Variants in FHOD3 observed in about 807,000 individuals in gnomAD.
FHOD3 encodes the protein FH1/FH2 domain-containing protein 3.
In FHOD3, 90 loss-of-function variants were observed where a neutral mutation model predicts 173.0. The ratio of observed to expected loss-of-function variants is 0.52; its 90% CI spans 0.44 to 0.62. FHOD3 has a LOEUF of 0.62. Among genes scored for constraint, FHOD3 ranks in the 20% least tolerant of loss-of-function variants. The pLI is 0.00. For missense variants in FHOD3, 1,945 were observed against 2,034.7 expected, an observed-to-expected ratio of 0.96 and a Z score of 0.85; for synonymous variants, 828 against 823.0, an observed-to-expected ratio of 1.01 and a Z score of -0.10.
intron 3 of FHOD3, among the ~76,000 whole-genome samples, chr18:36,487,007 T>C (rs1184177762): frequency 6.6e-6 from 1 of 152,250 alleles, no homozygotes; most frequent in Non-Finnish European, 1.5e-5. Flanking sequence ...TAGTGCACCC[T>C]TGTATAATGT....
chr18:36,411,299 CT>C (rs2049341288), intron 3 of FHOD3, among the ~76,000 whole-genome samples: 1 of 152,154 alleles, frequency 6.6e-6, no homozygotes, highest in Admixed American at 6.5e-5. Context: ...TTAAATTTCA[CT>C]TTTAAAACTT....
chr18:36,335,662 A>G (rs2045271541), intron 1 of FHOD3, among the ~76,000 whole-genome samples: 3 of 152,162 alleles, frequency 2.0e-5, no homozygotes, highest in African/African-American at 7.2e-5. Flanking sequence ...ATAAGCTTCT[A>G]GACCTGTCCA....
Position 36,652,831 on chromosome 18 carries a change from C to G in FHOD3, c.1548C>G (p.Pro516=). ...TGTCACCGACCATAGACAAGCTGCC[C>G]TACGTGCCCCACAGCCCCTTCCACC... ...LKVSPTIDKL[P]YVPHSPFHLF... The change falls in exon 12 of 29, where the codon CCC becomes CCG. Residue 516 remains proline (P), a synonymous_variant. Coordinates refer to ENST00000590592, the MANE Select transcript of FHOD3 (RefSeq NM_001281740.3). The G allele has an allele frequency of 6.5e-7, 1 of 1,536,002 alleles. No individual in the cohort carries two copies. Among genetic ancestry groups the G allele is most frequent in the South Asian group, 1.2e-5 (1 of 84,046 alleles).
At chr18:36,396,733 A>G (rs1276278673) in intron 3 of FHOD3, among the ~76,000 whole-genome samples, 2 of 151,996 alleles carry the variant, frequency 1.3e-5, no homozygotes, top group East Asian at 3.9e-4. Context: ...ACATGCTTTA[A>G]TTGTCTGTAC....
chr18:36,472,648 A>G (rs1274810841), intron 3 of FHOD3, among the ~76,000 whole-genome samples: 1 of 152,172 alleles, frequency 6.6e-6, no homozygotes, highest in Admixed American at 6.5e-5. Flanking sequence ...CAATTCATAT[A>G]TACAGAATCA....
In FHOD3 at chr18:36,299,162, A is replaced by G. The variant is rs1428157330; in HGVS notation, c.165+1162A>G. On this transcript the variant is annotated intron_variant, in intron 1 of 28. Coordinates refer to ENST00000590592, the MANE Select transcript of FHOD3 (RefSeq NM_001281740.3). Reference sequence around the variant, plus strand: ...CTTTAGCAGTGGTAGTTTCCTCTCTATTAATGTATCAGTGCTTTCCTCCTC... The same window carrying G: ...CTTTAGCAGTGGTAGTTTCCTCTCTGTTAATGTATCAGTGCTTTCCTCCTC... Among the ~76,000 whole-genome samples, 3 of 152,184 alleles carry G rather than the reference A, an allele frequency of 2.0e-5. No individual in the cohort carries two copies. In the East Asian group the frequency reaches 5.8e-4, roughly 29 times the overall value.
chr18:36,588,694 T>C (rs1240157514), intron 6 of FHOD3, among the ~76,000 whole-genome samples: 1 of 152,196 alleles, frequency 6.6e-6, no homozygotes, highest in East Asian at 1.9e-4. Flanking sequence ...TTTCTGTAAG[T>C]GCAATAAAAG....
intron 10 of FHOD3, among the ~76,000 whole-genome samples, chr18:36,636,936 C>G (rs1252609397): frequency 2.0e-5 from 3 of 152,196 alleles, no homozygotes; most frequent in African/African-American, 7.2e-5. Flanking sequence ...ACAAGCTTTG[C>G]AAAACTGCCT....
intron 17 of FHOD3, among the ~76,000 whole-genome samples, chr18:36,697,623 ATTGT>A (rs1280767078): frequency 6.6e-6 from 1 of 152,112 alleles, no homozygotes; most frequent in African/African-American, 2.4e-5. Context: ...CAAATGTCTG[ATTGT>A]TTGGCCCTGG....
At chr18:36,430,775 A>G (rs1457129445) in intron 3 of FHOD3, among the ~76,000 whole-genome samples, 2 of 152,202 alleles carry the variant, frequency 1.3e-5, no homozygotes, top group South Asian at 2.1e-4. Flanking sequence ...TAGATTTGCA[A>G]GAGACTCTTG....
At chr18:36,434,692 G>A (rs2050722932) in intron 3 of FHOD3, among the ~76,000 whole-genome samples, 1 of 151,882 alleles carries the variant, frequency 6.6e-6, no homozygotes, top group Admixed American at 6.6e-5. Context: ...TATTTATTCA[G>A]GTGTGTATCT....
At chr18:36,563,853 C>T (rs1349279096) in intron 5 of FHOD3, among the ~76,000 whole-genome samples, 1 of 152,130 alleles carries the variant, frequency 6.6e-6, no homozygotes. Context: ...TACTCAGGCT[C>T]ATATCAGCTG....
intron 3 of FHOD3, among the ~76,000 whole-genome samples, chr18:36,480,936 T>A (rs1006620160): frequency 6.6e-5 from 10 of 151,682 alleles, no homozygotes; most frequent in African/African-American, 1.5e-4. Flanking sequence ...AGGAAAGCAT[T>A]CATGTTCTCT....
chr18:36,401,809 G>C (rs189941243), intron 3 of FHOD3, among the ~76,000 whole-genome samples: 1 of 152,200 alleles, frequency 6.6e-6, no homozygotes, highest in African/African-American at 2.4e-5. Context: ...GTAGCACAGA[G>C]TGGCCGTCAT....
At chr18:36,618,876 G>T (rs2148709578) in intron 9 of FHOD3, among the ~76,000 whole-genome samples, 1 of 152,258 alleles carries the variant, frequency 6.6e-6, no homozygotes, top group African/African-American at 2.4e-5. Flanking sequence ...TGTCTCTGGG[G>T]TATCTCTCTG....
intron 3 of FHOD3, among the ~76,000 whole-genome samples, chr18:36,391,265 T>C (rs1484303966): frequency 1.3e-5 from 2 of 152,124 alleles, no homozygotes; most frequent in African/African-American, 2.4e-5. Context: ...GGGGGCAAAG[T>C]GTACCCACTT....
At chr18:36,638,581 TG>T (rs1287290420) in intron 10 of FHOD3, among the ~76,000 whole-genome samples, 7 of 152,314 alleles carry the variant, frequency 4.6e-5, no homozygotes, top group Admixed American at 1.3e-4. Flanking sequence ...GCCAAGCTAC[TG>T]GGAAACATTG....
chr18:36,639,338 G>A (rs1006942898), intron 10 of FHOD3, among the ~76,000 whole-genome samples: 2 of 151,850 alleles, frequency 1.3e-5, no homozygotes, highest in South Asian at 2.1e-4. Context: ...TCAGGAGATC[G>A]AGACCATCCT....
chr18:36,500,497 T>C (rs2054976040), intron 3 of FHOD3, among the ~76,000 whole-genome samples: 2 of 152,222 alleles, frequency 1.3e-5, no homozygotes, highest in Admixed American at 1.3e-4. Flanking sequence ...CCGAGGTGGT[T>C]GGCCAATGAC....
Sources: gnomAD v4.1 joint callset for allele counts (sites outside exome capture counted in the v4.1 genomes callset) on GRCh38, gnomAD v4.1.1 for gene constraint, MANE v1.5 for transcripts, NCBI Gene and HGNC (gene_info 2026-07-23, HGNC 2026-07-21) for gene names.